The following PDE4D variants were observed in gnomAD, a reference collection of about 807,000 sequenced individuals.
PDE4D encodes phosphodiesterase 4D.
A neutral mutation model predicts 87.4 loss-of-function variants in PDE4D; 24 were observed. The ratio of observed to expected loss-of-function variants is 0.27; its 90% confidence interval spans 0.20 to 0.39. The LOEUF (loss-of-function observed/expected upper bound fraction) is 0.39. Ranked by LOEUF, PDE4D falls within the 10% of genes least tolerant of loss-of-function variation. PDE4D has a pLI of 1.00. For missense variants in PDE4D, 714 were observed against 1,041.0 expected, an observed-to-expected ratio of 0.69 and a Z score of 4.32; for synonymous variants, 384 against 383.2, an observed-to-expected ratio of 1.00 and a Z score of -0.02.
chr5:59,029,138 C>T (rs973475668), intron 6 of PDE4D, among the ~76,000 whole-genome samples: 1 of 151,748 alleles, frequency 6.6e-6, no homozygotes, highest in Non-Finnish European at 1.5e-5. Context: ...AGCAGCCAGG[C>T]GTGGTGGCTC....
At chr5:59,377,386 C>T (rs1371978346) in intron 1 of PDE4D, among the ~76,000 whole-genome samples, 3 of 149,642 alleles carry the variant, frequency 2.0e-5, no homozygotes, top group Non-Finnish European at 4.4e-5. Flanking sequence ...CACTGCACTC[C>T]AGCCTGGGTG....
At chr5:59,449,472 T>C (rs895224970) in intron 1 of PDE4D, among the ~76,000 whole-genome samples, 3 of 152,242 alleles carry the variant, frequency 2.0e-5, no homozygotes, top group Non-Finnish European at 4.4e-5. Flanking sequence ...GAACCCATTG[T>C]GCAAAAGTAT....
chr5:59,272,196 C>T (rs1763955083), intron 1 of PDE4D, among the ~76,000 whole-genome samples: 1 of 151,834 alleles, frequency 6.6e-6, no homozygotes, highest in Admixed American at 6.6e-5. Context: ...GTTCTGTCAG[C>T]AGGAAAGAAA....
At chr5:60,267,953 G>T (rs1254459060) in intron 1 of PDE4D, among the ~76,000 whole-genome samples, 1 of 152,136 alleles carries the variant, frequency 6.6e-6, no homozygotes, top group Non-Finnish European at 1.5e-5. Flanking sequence ...TGGGGTGCTG[G>T]TAGTGGTACT....
At chr5:59,004,601 C>T (rs756752568) in intron 6 of PDE4D, among the ~76,000 whole-genome samples, 2 of 152,230 alleles carry the variant, frequency 1.3e-5, no homozygotes, top group Non-Finnish European at 2.9e-5. Flanking sequence ...TGCTGCATTA[C>T]TAGAAAATTT....
At chr5:59,645,220 C>T (rs969390935) in intron 1 of PDE4D, among the ~76,000 whole-genome samples, 12 of 152,228 alleles carry the variant, frequency 7.9e-5, no homozygotes, top group African/African-American at 2.9e-4. Context: ...TTCTGTCTAC[C>T]ACAGAGGTGG....
rs1449607159 is a variant in PDE4D, at chr5:59,574,044, ATATATT to A, written c.455+319118_455+319123del. Among the ~76,000 whole-genome samples the A allele has an allele frequency of 6.7e-3, 707 of 105,104 alleles. 14 individuals are homozygous for A. The highest frequency in any genetic ancestry group is 0.026 in the African/African-American group (656 of 25,462). The allele number at this position is 105,104 out of a possible 152,430, so 69.0% of individuals were successfully genotyped here. A position where few individuals can be genotyped will look rare whatever the true frequency, so the allele number is the denominator to read the frequency against. Reference sequence around the variant, plus strand: ...TATATATATAAAAATATATATTTATATATATTTATATATAAAAATATATATATTTAT... The same window carrying A: ...TATATATATAAAAATATATATTTATATATATATAAAAATATATATATTTAT... On this transcript the variant is annotated intron_variant, in intron 1 of 14. Coordinates refer to ENST00000340635, the MANE Select transcript of PDE4D (RefSeq NM_001104631.2).
chr5:59,221,565 G>A (rs1403831916), intron 1 of PDE4D, among the ~76,000 whole-genome samples: 2 of 152,072 alleles, frequency 1.3e-5, no homozygotes, highest in Non-Finnish European at 2.9e-5. Flanking sequence ...TAAGGAGGTC[G>A]AGGCTGAAGT....
At chr5:59,469,401 A>G (rs1412470675) in intron 1 of PDE4D, among the ~76,000 whole-genome samples, 4 of 152,308 alleles carry the variant, frequency 2.6e-5, no homozygotes, top group African/African-American at 9.6e-5. Flanking sequence ...AAAAGAGAAA[A>G]GTAATTTTTG....
At chr5:60,377,346 CT>C (rs1761510925) in intron 1 of PDE4D, among the ~76,000 whole-genome samples, 2 of 152,204 alleles carry the variant, frequency 1.3e-5, no homozygotes, top group African/African-American at 4.8e-5. Context: ...GCATAAACAA[CT>C]GGCCCATTTG....
chr5:59,176,256 T>TA (rs1783870696), intron 5 of PDE4D, among the ~76,000 whole-genome samples: 2 of 152,062 alleles, frequency 1.3e-5, no homozygotes, highest in Non-Finnish European at 2.9e-5. Flanking sequence ...CCTAATGCTA[T>TA]AAAATCAAAC....
At chr5:60,202,281 GC>G (rs1237809694) in intron 1 of PDE4D, among the ~76,000 whole-genome samples, 4 of 152,070 alleles carry the variant, frequency 2.6e-5, no homozygotes, top group Non-Finnish European at 5.9e-5. Flanking sequence ...TCCCACCTCA[GC>G]CTCCCTAGTA....
intron 1 of PDE4D, among the ~76,000 whole-genome samples, chr5:60,207,683 A>C (rs931440717): frequency 1.3e-5 from 2 of 152,256 alleles, no homozygotes; most frequent in Non-Finnish European, 2.9e-5. Context: ...TCTCCCCAAT[A>C]AACTCCTTCA....
At chr5:59,381,581 T>C (rs1444786886) in intron 1 of PDE4D, among the ~76,000 whole-genome samples, 1 of 152,182 alleles carries the variant, frequency 6.6e-6, no homozygotes, top group African/African-American at 2.4e-5. Flanking sequence ...TCACCTCTTT[T>C]ATATACTAAT....
intron 1 of PDE4D, among the ~76,000 whole-genome samples, chr5:60,377,682 C>G (rs972949031): frequency 1.3e-5 from 2 of 152,154 alleles, no homozygotes; most frequent in Non-Finnish European, 2.9e-5. Context: ...GACTGACTGA[C>G]TGTACCTACC....
At chr5:59,525,586 G>T (rs1290637960) in intron 1 of PDE4D, among the ~76,000 whole-genome samples, 6 of 152,174 alleles carry the variant, frequency 3.9e-5, no homozygotes, top group African/African-American at 1.2e-4. Context: ...AGGCATAATT[G>T]TGTTTTGAAA....
At chr5:59,923,438 G>A (rs1754900757) in intron 3 of PDE4D, among the ~76,000 whole-genome samples, 1 of 152,210 alleles carries the variant, frequency 6.6e-6, no homozygotes, top group Non-Finnish European at 1.5e-5. Flanking sequence ...GTCTGACCCA[G>A]CGCCATCCCA....
intron 1 of PDE4D, among the ~76,000 whole-genome samples, chr5:59,627,282 T>C (rs116279478): frequency 1.1e-3 from 172 of 152,348 alleles, no homozygotes; most frequent in African/African-American, 4.0e-3. Context: ...TGTGACCATG[T>C]ATTCTTTTCA....
chr5:59,331,815 T>C (rs1776778027), intron 1 of PDE4D, among the ~76,000 whole-genome samples: 1 of 152,228 alleles, frequency 6.6e-6, no homozygotes. Flanking sequence ...TTCTATTTCC[T>C]ACTTCTTTTG....
Sources: gnomAD v4.1 joint callset for allele counts (sites outside exome capture counted in the v4.1 genomes callset) on GRCh38, gnomAD v4.1.1 for gene constraint, MANE v1.5 for transcripts, NCBI Gene and HGNC (gene_info 2026-07-23, HGNC 2026-07-21) for gene names.